PRIM2: variants seen among roughly 807,000 people sequenced by gnomAD.
PRIM2 encodes the protein DNA primase subunit 2, also known as DNA primase large subunit.
Under a neutral mutation model 67.3 loss-of-function variants are expected in PRIM2, and 39 were observed. The observed-to-expected ratio is 0.58, with a 90% confidence interval of 0.45 to 0.76. The LOEUF (loss-of-function observed/expected upper bound fraction) is 0.76, where lower values mean the gene tolerates loss of function less well. Among genes scored for constraint, PRIM2 ranks in the 30% least tolerant of loss-of-function variants. The pLI is 0.00. For synonymous variants in PRIM2, 143 were observed against 198.7 expected, an observed-to-expected ratio of 0.72 and a Z score of 2.36; for missense variants, 398 against 598.7, an observed-to-expected ratio of 0.66 and a Z score of 3.50.
chr6:57,464,085 G>A (rs1433486135), intron 7 of PRIM2, among the ~76,000 whole-genome samples: 5 of 151,904 alleles, frequency 3.3e-5, no homozygotes, highest in African/African-American at 7.3e-5. Context: ...CACTTTCCGG[G>A]TCTTCCCTCA....
the PRIM2 span, among the ~76,000 whole-genome samples, chr6:57,255,096 C>T: frequency 3.9e-5 from 6 of 152,114 alleles, no homozygotes; most frequent in South Asian, 4.1e-4. Flanking sequence ...CAGCTTGGTC[C>T]GGAAACAGTT....
the PRIM2 span, among the ~76,000 whole-genome samples, chr6:57,305,447 A>T: frequency 6.6e-6 from 1 of 152,186 alleles, no homozygotes; most frequent in Non-Finnish European, 1.5e-5. Context: ...CTTGGTCTCA[A>T]GGAGCTCATG....
rs1254530873 is a variant in PRIM2 at position 57,629,408 on chromosome 6, C to T, written c.1231-2725C>T. Among the ~76,000 whole-genome samples, 211 of 152,230 alleles carry T rather than the reference C, an allele frequency of 1.4e-3. 4 individuals carry two copies. In the East Asian group the frequency reaches 0.019, roughly 14 times the overall value. On this transcript the variant is annotated intron_variant, in intron 12 of 13. Coordinates refer to ENST00000615550, the MANE Select transcript of PRIM2 (RefSeq NM_000947.5). ...ATATGATAGGTTTGTTTTTCATATTCGCATTTTCCCGAGTTTTAGAACTAG... is the reference window on the plus strand; with the variant it reads ...ATATGATAGGTTTGTTTTTCATATTTGCATTTTCCCGAGTTTTAGAACTAG...
intron 5 of PRIM2, among the ~76,000 whole-genome samples, chr6:57,341,463 GA>G (rs1768488045): frequency 6.6e-6 from 1 of 152,098 alleles, no homozygotes; most frequent in Non-Finnish European, 1.5e-5. Flanking sequence ...TCCAGGCAGA[GA>G]CCTTTTCCCA....
rs532376323 is a variant in PRIM2 at position 57,343,967 on chromosome 6, G to A, written c.459+17922G>A. On this transcript the variant is annotated intron_variant, in intron 5 of 13. Coordinates refer to ENST00000615550, the MANE Select transcript of PRIM2 (RefSeq NM_000947.5). Reference sequence around the variant, plus strand: ...GGGAATTTTGCTGAAGGCAGACCAGGATCATAAGATATTAAAGATGGTCAG... The same window carrying A: ...GGGAATTTTGCTGAAGGCAGACCAGAATCATAAGATATTAAAGATGGTCAG... 3.1e-4 allele frequency among the ~76,000 whole-genome samples: 47 copies of A among 152,234 alleles called. 1 individual carries two copies. Among genetic ancestry groups the A allele is most frequent in the Non-Finnish European group, 5.4e-4 (37 of 68,008 alleles).
intron 10 of PRIM2, among the ~76,000 whole-genome samples, chr6:57,591,444 T>C (rs1350996776): frequency 2.6e-5 from 4 of 152,218 alleles, no homozygotes; most frequent in African/African-American, 9.6e-5. Flanking sequence ...TGATAACTAA[T>C]CTTCATGGGA....
chr6:57,465,694 T>C (rs1417893574), intron 7 of PRIM2, among the ~76,000 whole-genome samples: 1 of 152,186 alleles, frequency 6.6e-6, no homozygotes, highest in Non-Finnish European at 1.5e-5. Context: ...AATAATAGCA[T>C]GTACCTCATA....
At chr6:57,512,269 G>A (rs1774387295) in intron 8 of PRIM2, among the ~76,000 whole-genome samples, 2 of 152,198 alleles carry the variant, frequency 1.3e-5, no homozygotes, top group African/African-American at 4.8e-5. Flanking sequence ...AAAAAGGACT[G>A]CATCTGTGAG....
the PRIM2 span, among the ~76,000 whole-genome samples, chr6:57,235,506 A>T: frequency 6.6e-6 from 1 of 152,080 alleles, no homozygotes; most frequent in Non-Finnish European, 1.5e-5. Flanking sequence ...GTAGGACTGG[A>T]TTAATGAAAT....
chr6:57,347,715 A>G (rs1205205718), intron 5 of PRIM2, among the ~76,000 whole-genome samples: 1 of 151,402 alleles, frequency 6.6e-6, no homozygotes, highest in Admixed American at 6.6e-5. Context: ...TAGTGCTGGA[A>G]TTACAGGTGT....
the PRIM2 span, among the ~76,000 whole-genome samples, chr6:57,229,634 C>CA: frequency 6.6e-6 from 1 of 151,994 alleles, no homozygotes; most frequent in Admixed American, 6.6e-5. Context: ...ATTACAGGCA[C>CA]ATGCCACCAC....
chr6:57,289,901 C>T, the PRIM2 span, among the ~76,000 whole-genome samples: 53 of 152,194 alleles, frequency 3.5e-4, no homozygotes, highest in African/African-American at 1.1e-3. Context: ...CATCAATTAA[C>T]GGGCAAAATA....
intron 13 of PRIM2, among the ~76,000 whole-genome samples, chr6:57,643,094 T>C (rs1380861713): frequency 5.3e-5 from 8 of 152,196 alleles, no homozygotes; most frequent in Non-Finnish European, 1.0e-4. Flanking sequence ...CTAACACTGT[T>C]ATCTCCATTT....
chr6:57,633,134 G>A (rs1217527732), intron 13 of PRIM2, among the ~76,000 whole-genome samples: 1 of 152,166 alleles, frequency 6.6e-6, no homozygotes, highest in Non-Finnish European at 1.5e-5. Context: ...CCTATTAGAG[G>A]CATTCACATT....
chr6:57,376,901 C>T (rs1289199141), intron 5 of PRIM2, among the ~76,000 whole-genome samples: 3 of 151,952 alleles, frequency 2.0e-5, no homozygotes, highest in East Asian at 1.9e-4. Flanking sequence ...TTTTTGAGAC[C>T]GAGTCTCGCC....
intron 7 of PRIM2, among the ~76,000 whole-genome samples, chr6:57,404,407 T>TA (rs1770814563): frequency 8.0e-6 from 1 of 125,786 alleles, no homozygotes; most frequent in Non-Finnish European, 1.6e-5. Flanking sequence ...CCTTATGGAG[T>TA]AGATGCTCAG....
rs1246479927 is a variant in PRIM2, at chr6:57,478,529, C to A, written c.694-28858C>A. Among the ~76,000 whole-genome samples, 189 of 151,998 alleles carry A rather than the reference C, an allele frequency of 1.2e-3. 4 individuals are homozygous for A. In the East Asian group the frequency reaches 0.016, roughly 13 times the overall value. On this transcript the variant is annotated intron_variant, in intron 7 of 13. Transcript: ENST00000615550. ...CTGCATGTACATTTTTTGATACATA[C>A]AAAAACACATATGAGTTTTTTAGAA... is the stretch of plus-strand genomic sequence containing the variant.
chr6:57,303,484 T>C, the PRIM2 span, among the ~76,000 whole-genome samples: 4 of 152,224 alleles, frequency 2.6e-5, no homozygotes, highest in Non-Finnish European at 5.9e-5. Context: ...TTTTAATAGA[T>C]ACTACTTGCA....
the PRIM2 span, among the ~76,000 whole-genome samples, chr6:57,290,145 A>C: frequency 1.3e-5 from 2 of 149,844 alleles, no homozygotes. Context: ...AAAAAAAAGC[A>C]GGGGTTGCAA....
Sources: gnomAD v4.1 joint callset for allele counts (sites outside exome capture counted in the v4.1 genomes callset) on GRCh38, gnomAD v4.1.1 for gene constraint, MANE v1.5 for transcripts, NCBI Gene and HGNC (gene_info 2026-07-23, HGNC 2026-07-21) for gene names.